Variants in KCNQ3 observed in about 807,000 individuals in gnomAD.
KCNQ3 encodes the protein potassium voltage-gated channel subfamily Q member 3.
A neutral mutation model predicts 92.5 loss-of-function variants in KCNQ3; 30 were observed. The ratio of observed to expected loss-of-function variants is 0.32; its 90% CI spans 0.24 to 0.44. KCNQ3 has a LOEUF of 0.44. Ranked by LOEUF, KCNQ3 falls within the 20% of genes least tolerant of loss-of-function variation. The probability of loss-of-function intolerance (pLI) is 1.00; values close to 1 mark genes in which losing one functional copy is unlikely to be tolerated. For synonymous variants in KCNQ3, 450 were observed against 468.8 expected, an observed-to-expected ratio of 0.96 and a Z score of 0.52; for missense variants, 913 against 1,140.3, an observed-to-expected ratio of 0.80 and a Z score of 2.87.
At chr8:132,349,555 A>T (rs1374012203) in intron 1 of KCNQ3, among the ~76,000 whole-genome samples, 2 of 152,240 alleles carry the variant, frequency 1.3e-5, no homozygotes, top group African/African-American at 4.8e-5. Context: ...ATGTTAGCAG[A>T]TGTGATGCAA....
intron 1 of KCNQ3, among the ~76,000 whole-genome samples, chr8:132,405,712 A>G (rs565069589): frequency 6.6e-6 from 1 of 152,360 alleles, no homozygotes; most frequent in South Asian, 2.1e-4. Flanking sequence ...TCAGTGCTAT[A>G]GTAGAGTACA....
intron 1 of KCNQ3, among the ~76,000 whole-genome samples, chr8:132,262,923 G>A (rs1902820): frequency 0.45 from 68,490 of 151,994 alleles, 17,335 homozygotes; most frequent in East Asian, 0.72. Flanking sequence ...TGACTCATCA[G>A]TGAGTCTATG....
chr8:132,329,432 T>C (rs137920922), intron 1 of KCNQ3, among the ~76,000 whole-genome samples: 2 of 152,226 alleles, frequency 1.3e-5, no homozygotes, highest in South Asian at 2.1e-4. Flanking sequence ...TCTGTATATA[T>C]AGCAAAACGT....
intron 1 of KCNQ3, among the ~76,000 whole-genome samples, chr8:132,280,099 C>A (rs1036752307): frequency 6.6e-6 from 1 of 152,142 alleles, no homozygotes; most frequent in Non-Finnish European, 1.5e-5. Flanking sequence ...ATGGAACTTA[C>A]AGTTTGTTGG....
chr8:132,164,787 CCTCTTTCA>C (rs1331734925), intron 8 of KCNQ3, among the ~76,000 whole-genome samples: 1 of 152,090 alleles, frequency 6.6e-6, no homozygotes, highest in Non-Finnish European at 1.5e-5. Flanking sequence ...ACTGTCCATT[CCTCTTTCA>C]CTCTCCACGA....
At chr8:132,360,177 T>C (rs571798147) in intron 1 of KCNQ3, among the ~76,000 whole-genome samples, 3 of 152,294 alleles carry the variant, frequency 2.0e-5, no homozygotes, top group South Asian at 4.2e-4. Flanking sequence ...TCTCTAGCAG[T>C]CCAGCCCCTC....
chr8:132,170,341 A>G lies in KCNQ3; in HGVS notation c.1228T>C (p.Phe410Leu), dbSNP rs1826288222. Residue 410 changes from phenylalanine (F) to leucine (L), a missense_variant, in exon 8 of 15, where the codon TTC becomes CTC. Phe to Leu is a conservative substitution (Grantham distance 22, BLOSUM62 0). This residue lies in a region of KCNQ3 where 182 missense variants were observed against 234.5 expected (regional missense o/e 0.78). Transcript: ENST00000388996. Reference sequence around the variant, plus strand: ...AGGTGAGTCCCCACTTGCCTGAAGAAAGGAAAAGAGACGACTGATTCATAA... The same window carrying G: ...AGGTGAGTCCCCACTTGCCTGAAGAGAGGAAAAGAGACGACTGATTCATAA... ...RFYESVVSFPFFRKEQLEAAS... is the reference protein window; with the variant it reads ...RFYESVVSFPLFRKEQLEAAS... 2 of 1,613,342 alleles carry G rather than the reference A, an allele frequency of 1.2e-6. No homozygotes were observed. The highest frequency in any genetic ancestry group is 1.3e-5 in the African/African-American group (1 of 75,022).
chr8:132,207,921 TAAA>T (rs762571946), intron 1 of KCNQ3, among the ~76,000 whole-genome samples: 2,479 of 103,860 alleles, frequency 0.024, 79 homozygotes, highest in African/African-American at 0.081. Flanking sequence ...TGAGAGAGAT[TAAA>T]AAAAAAAAAA....
chr8:132,217,492 T>C (rs751417962), intron 1 of KCNQ3, among the ~76,000 whole-genome samples: 1 of 151,864 alleles, frequency 6.6e-6, no homozygotes, highest in Non-Finnish European at 1.5e-5. Flanking sequence ...GGGCGGATCA[T>C]GAGGTCAGGA....
chr8:132,241,281 A>C (rs976075138), intron 1 of KCNQ3, among the ~76,000 whole-genome samples: 1 of 152,212 alleles, frequency 6.6e-6, no homozygotes, highest in Admixed American at 6.5e-5. Context: ...CATAGCTGGA[A>C]AATTGTCAGA....
chr8:132,387,898 A>T (rs905646403), intron 1 of KCNQ3, among the ~76,000 whole-genome samples: 9 of 152,088 alleles, frequency 5.9e-5, no homozygotes, highest in African/African-American at 2.2e-4. Context: ...GTGAGCCATG[A>T]TCGCCTCACT....
chr8:132,445,885 G>A (rs1422692973), intron 1 of KCNQ3, among the ~76,000 whole-genome samples: 2 of 152,260 alleles, frequency 1.3e-5, no homozygotes, highest in East Asian at 3.9e-4. Context: ...TCTGAGGCTA[G>A]AACTCAGCTG....
chr8:132,339,489 A>C (rs919921062), intron 1 of KCNQ3, among the ~76,000 whole-genome samples: 1 of 152,106 alleles, frequency 6.6e-6, no homozygotes, highest in African/African-American at 2.4e-5. Flanking sequence ...AACAAAATGC[A>C]CTCACACTAA....
intron 4 of KCNQ3, among the ~76,000 whole-genome samples, chr8:132,175,833 G>A (rs117555278): frequency 1.9e-3 from 286 of 152,306 alleles, no homozygotes; most frequent in Non-Finnish European, 3.4e-3. Flanking sequence ...TCCAGGAGGA[G>A]AGGAAGATTT....
At chr8:132,186,063 A>G in intron 2 of KCNQ3, 28 bp downstream of exon 2, 1 of 1,558,572 alleles carries the variant, frequency 6.4e-7, no homozygotes, top group Non-Finnish European at 8.9e-7. Flanking sequence ...GCCCAACCAG[A>G]AGCATTTACC....
intron 1 of KCNQ3, among the ~76,000 whole-genome samples, chr8:132,293,171 A>G (rs1226230893): frequency 6.6e-6 from 1 of 151,988 alleles, no homozygotes; most frequent in Admixed American, 6.5e-5. Flanking sequence ...ATCCTTTGTA[A>G]TATCCATATA....
At chr8:132,182,291 C>T (rs76152710) in intron 3 of KCNQ3, among the ~76,000 whole-genome samples, 4,713 of 152,288 alleles carry the variant, frequency 0.031, 271 homozygotes, top group African/African-American at 0.11. Context: ...TGGTCTAAGA[C>T]GCTCCATGAG....
chr8:132,422,603 G>A (rs1821002179), intron 1 of KCNQ3, among the ~76,000 whole-genome samples: 1 of 152,044 alleles, frequency 6.6e-6, no homozygotes, highest in African/African-American at 2.4e-5. Context: ...CAAGAAATAA[G>A]TTCTCTTCCA....
intron 1 of KCNQ3, among the ~76,000 whole-genome samples, chr8:132,394,416 T>C (rs1820137335): frequency 1.3e-5 from 2 of 152,182 alleles, no homozygotes; most frequent in Non-Finnish European, 2.9e-5. Context: ...CCCTATGTCA[T>C]AGAAAACAGT....
Sources: gnomAD v4.1 joint callset for allele counts (sites outside exome capture counted in the v4.1 genomes callset) on GRCh38, gnomAD v4.1.1 for gene constraint, gnomAD v4.1.1 regional missense constraint, MANE v1.5 for transcripts, NCBI Gene and HGNC (gene_info 2026-07-23, HGNC 2026-07-21) for gene names.